Variants in HERC1 observed in about 807,000 individuals in gnomAD.
HERC1 encodes the protein probable E3 ubiquitin-protein ligase HERC1.
HERC1 carries 160 observed loss-of-function variants against 554.3 expected under a neutral mutation model. The ratio of observed to expected loss-of-function variants is 0.29; its 90% CI spans 0.25 to 0.33. The LOEUF is 0.33. Among genes scored for constraint, HERC1 ranks in the 10% least tolerant of loss-of-function variants. HERC1 has a pLI of 1.00. For missense variants in HERC1, 4,919 were observed against 5,918.5 expected (o/e 0.83, Z 5.54); for synonymous variants, 2,175 against 2,131.7 (o/e 1.02, Z -0.56).
chr15:63,819,523 A>C (rs2077612348), intron 1 of HERC1, among the ~76,000 whole-genome samples: 1 of 152,236 alleles, frequency 6.6e-6, no homozygotes, highest in African/African-American at 2.4e-5. Context: ...CAAGGCATAA[A>C]GATTCACTAA....
intron 1 of HERC1, among the ~76,000 whole-genome samples, chr15:63,818,733 G>C (rs1297421161): frequency 6.6e-6 from 1 of 152,094 alleles, no homozygotes; most frequent in Non-Finnish European, 1.5e-5. Context: ...AGAGAAATGG[G>C]ACATACTAAA....
rs986594267 is a variant in HERC1, at chr15:63,755,392, T to A, written c.1534-67A>T. 3.4e-5 allele frequency: 40 copies of A among 1,185,996 alleles called. No individual in the cohort carries two copies. In the African/African-American group the frequency reaches 5.8e-4, roughly 17 times the overall value. The allele number at this position is 1,185,996 out of a possible 1,614,324, so 73.5% of individuals were successfully genotyped here. A position where few individuals can be genotyped will look rare whatever the true frequency, so the allele number is the denominator to read the frequency against. On this transcript the variant is annotated intron_variant, in intron 5 of 77. Transcript: ENST00000443617. ...AAAACATATAGTCCGTATTTGATCC[T>A]ATACACAGAGACTTCACAGATACTA...
intron 1 of HERC1, among the ~76,000 whole-genome samples, chr15:63,819,756 A>C (rs2077621819): frequency 6.6e-6 from 1 of 152,140 alleles, no homozygotes. Context: ...CTATCAGCCA[A>C]AACTATGTCA....
At chr15:63,830,791 G>T (rs955165629) in intron 1 of HERC1, among the ~76,000 whole-genome samples, 5 of 152,102 alleles carry the variant, frequency 3.3e-5, no homozygotes, top group Non-Finnish European at 7.4e-5. Context: ...ATATCTTCTT[G>T]CTCAAGGATC....
chr15:63,620,963 C>A (rs1055845372), intron 74 of HERC1, among the ~76,000 whole-genome samples: 5 of 152,062 alleles, frequency 3.3e-5, no homozygotes, highest in Admixed American at 6.6e-5. Flanking sequence ...CCAGTCTGTG[C>A]CTTTTAATTG....
chr15:63,723,380 A>G, intron 18 of HERC1, 25 bp from the exon 19 acceptor site: 1 of 1,459,226 alleles, frequency 6.9e-7, no homozygotes, highest in Middle Eastern at 1.8e-4. Flanking sequence ...CACGTTACCA[A>G]TTTTAACATC....
chr15:63,810,512 T>G (rs17774473), intron 1 of HERC1, among the ~76,000 whole-genome samples: 39,546 of 152,050 alleles, frequency 0.26, 5,657 homozygotes, highest in Middle Eastern at 0.38. Context: ...GACAGTTAAC[T>G]CTGGGAAAAA....
chr15:63,713,474 G>A lies in HERC1; in HGVS notation c.4342C>T (p.Arg1448Trp), dbSNP rs865926938. The change falls in exon 23 of 78, where the codon CGG (arginine) becomes TGG (tryptophan). Residue 1448 changes from arginine (R) to tryptophan (W), a missense_variant. Transcript: ENST00000443617. ...YTAACNSVIH[R>W]CALLILGVSP... ...ACTCCTAATATTAACAGGGCACACC[G>A]ATGGATCACGGAGTTGCATGCAGCA... 6.2e-7 allele frequency: 1 copy of A among 1,613,978 alleles called. No homozygotes were observed. The highest frequency in any genetic ancestry group is 8.5e-7 in the Non-Finnish European group (1 of 1,179,870).
chr15:63,769,523 G>A (rs1308273792), intron 2 of HERC1, among the ~76,000 whole-genome samples: 4 of 152,022 alleles, frequency 2.6e-5, no homozygotes, highest in South Asian at 2.1e-4. Context: ...TCAACATGAT[G>A]GAAAGTTCAA....
At chr15:63,652,571 A>C in intron 51 of HERC1, 30 bp from the exon 52 acceptor site, 1 of 1,499,164 alleles carries the variant, frequency 6.7e-7, no homozygotes, top group Non-Finnish European at 9.1e-7. Context: ...TAGTCTAATA[A>C]TTTTCTATTC....
chr15:63,833,753 G>GCGCACACA (rs1340096449), intron 1 of HERC1, 74 bp downstream of exon 1: 7 of 46,494 alleles, frequency 1.5e-4, no homozygotes, highest in East Asian at 4.7e-4. Context: ...ACGCGCGCGC[G>GCGCACACA]CACACACACA....
At position 63,612,283 on chromosome 15, in the gene HERC1, A is replaced by G. The variant is rs1348200943; in HGVS notation, c.14368T>C (p.Ser4790Pro). Residue 4790 changes from serine (S) to proline (P), a missense_variant, in exon 77 of 78, where the codon TCT (serine) becomes CCT (proline). Ser to Pro is a moderately conservative substitution (Grantham distance 74, BLOSUM62 -1). Transcript: ENST00000443617. This position sits in a 1 kb window ranked among gnomAD's most constrained non-coding sequence, Gnocchi z 5.0. ...ACCTTCATGATTTGAAATCTCTGAGAAATGTCAGCAGTGTTGGCTGGTAGT... is the reference window on the plus strand; with the variant it reads ...ACCTTCATGATTTGAAATCTCTGAGGAATGTCAGCAGTGTTGGCTGGTAGT... Reference protein sequence around the residue: ...SRLPANTADISQRFQIMKVDR... With the variant: ...SRLPANTADIPQRFQIMKVDR... 23 of 1,611,096 alleles carry G rather than the reference A, an allele frequency of 1.4e-5. No homozygotes were observed. The highest frequency in any genetic ancestry group is 1.9e-5 in the Non-Finnish European group (22 of 1,177,590).
At chr15:63,724,519 T>C (rs1242172018) in intron 18 of HERC1, among the ~76,000 whole-genome samples, 1 of 152,252 alleles carries the variant, frequency 6.6e-6, no homozygotes, top group East Asian at 1.9e-4. Flanking sequence ...TTTTTTCTTT[T>C]CTTTTCCGCT....
At chr15:63,801,862 T>C (rs114598446) in intron 1 of HERC1, among the ~76,000 whole-genome samples, 29 of 152,244 alleles carry the variant, frequency 1.9e-4, no homozygotes, top group African/African-American at 7.0e-4. Flanking sequence ...CTTTTACCTA[T>C]CTCATATGCT....
chr15:63,823,033 A>G (rs952470721), intron 1 of HERC1, among the ~76,000 whole-genome samples: 3 of 152,202 alleles, frequency 2.0e-5, no homozygotes, highest in East Asian at 1.9e-4. Context: ...TGAGATGTCT[A>G]TTAGATAGTT....
At chr15:63,745,539 A>G (rs2075024149) in intron 12 of HERC1, among the ~76,000 whole-genome samples, 1 of 152,144 alleles carries the variant, frequency 6.6e-6, no homozygotes, top group African/African-American at 2.4e-5. Context: ...CTCTAACAGG[A>G]TAGCATTGAG....
At chr15:63,695,388 T>A (rs1305512043) in intron 27 of HERC1, among the ~76,000 whole-genome samples, 6 of 147,480 alleles carry the variant, frequency 4.1e-5, no homozygotes, top group Admixed American at 6.7e-5. Context: ...ATAATCTTTT[T>A]TTTTTTTTTT....
At chr15:63,659,426 A>AT (rs1422834755) in intron 47 of HERC1, among the ~76,000 whole-genome samples, 1 of 151,756 alleles carries the variant, frequency 6.6e-6, no homozygotes, top group African/African-American at 2.4e-5. Flanking sequence ...ACTTTTCTTC[A>AT]TTTTTTTAAT....
intron 74 of HERC1, among the ~76,000 whole-genome samples, chr15:63,617,654 A>G (rs1246481155): frequency 6.6e-6 from 1 of 152,160 alleles, no homozygotes; most frequent in African/African-American, 2.4e-5. Context: ...ATTTCTCCAC[A>G]TTCTCTCCAG....
Sources: gnomAD v4.1 joint callset for allele counts (sites outside exome capture counted in the v4.1 genomes callset) on GRCh38, gnomAD v4.1.1 for gene constraint, Gnocchi (gnomAD v3.1) non-coding constraint, MANE v1.5 for transcripts, NCBI Gene and HGNC (gene_info 2026-07-23, HGNC 2026-07-21) for gene names.